Variants in CADM2 observed in about 807,000 individuals in gnomAD.
CADM2 encodes the protein immunoglobulin superfamily member 4D.
CADM2 carries 12 observed loss-of-function variants against 49.8 expected under a neutral mutation model. That is an observed-to-expected ratio of 0.24 (90% CI 0.15 to 0.39). The LOEUF (loss-of-function observed/expected upper bound fraction) is 0.39, where lower values mean the gene tolerates loss of function less well. CADM2 is among the 10% of genes least tolerant of loss of function. CADM2 has a pLI of 1.00. For synonymous variants in CADM2, 214 were observed against 175.4 expected (o/e 1.22, Z -1.74); for missense variants, 378 against 492.3 (o/e 0.77, Z 2.20).
At chr3:85,111,332 C>T (rs2038449131) in intron 1 of CADM2, among the ~76,000 whole-genome samples, 1 of 151,612 alleles carries the variant, frequency 6.6e-6, no homozygotes, top group African/African-American at 2.4e-5. Context: ...AAAATACTGG[C>T]TTTACTTTGT....
At chr3:85,518,282 C>T (rs1024621208) in intron 1 of CADM2, among the ~76,000 whole-genome samples, 14 of 152,210 alleles carry the variant, frequency 9.2e-5, no homozygotes, top group East Asian at 1.9e-4. Context: ...TGGGCCACCA[C>T]GTCTAGCCTC....
chr3:85,107,965 G>C (rs868484733), intron 1 of CADM2, among the ~76,000 whole-genome samples: 1 of 151,992 alleles, frequency 6.6e-6, no homozygotes, highest in African/African-American at 2.4e-5. Flanking sequence ...GCCTCCCAAA[G>C]TTCCTGGATA....
intron 1 of CADM2, among the ~76,000 whole-genome samples, chr3:85,192,421 A>G (rs1559712588): frequency 6.6e-6 from 1 of 152,068 alleles, no homozygotes; most frequent in Non-Finnish European, 1.5e-5. Context: ...AGATGTTCAC[A>G]AGAGCTCATC....
At chr3:85,968,124 G>C (rs902124470) in intron 8 of CADM2, among the ~76,000 whole-genome samples, 3 of 151,612 alleles carry the variant, frequency 2.0e-5, no homozygotes, top group African/African-American at 7.3e-5. Flanking sequence ...ATCTCTGGTT[G>C]AGAGTTTCCA....
intron 1 of CADM2, among the ~76,000 whole-genome samples, chr3:85,355,634 G>A (rs979786895): frequency 4.6e-5 from 7 of 152,082 alleles, no homozygotes; most frequent in African/African-American, 7.2e-5. Context: ...GTAGATAATG[G>A]TGAGTGCAAA....
intron 1 of CADM2, among the ~76,000 whole-genome samples, chr3:85,363,109 T>C (rs1286777652): frequency 6.6e-6 from 1 of 152,212 alleles, no homozygotes; most frequent in African/African-American, 2.4e-5. Context: ...ATCGCCGGGC[T>C]ACACAGCACT....
At chr3:85,578,961 G>A (rs979797204) in intron 1 of CADM2, among the ~76,000 whole-genome samples, 2 of 152,060 alleles carry the variant, frequency 1.3e-5, no homozygotes, top group Admixed American at 6.6e-5. Context: ...TAGCAGCCAC[G>A]GTGTTGCAAG....
intron 1 of CADM2, among the ~76,000 whole-genome samples, chr3:85,257,777 T>A (rs928680838): frequency 1.3e-5 from 2 of 152,118 alleles, no homozygotes; most frequent in Non-Finnish European, 2.9e-5. Flanking sequence ...TGTGCATACT[T>A]CCATAACTCT....
chr3:85,416,911 G>A (rs2035943863), intron 1 of CADM2, among the ~76,000 whole-genome samples: 1 of 152,054 alleles, frequency 6.6e-6, no homozygotes, highest in Non-Finnish European at 1.5e-5. Flanking sequence ...ATCTTAATGA[G>A]AATAGTAAAA....
intron 1 of CADM2, among the ~76,000 whole-genome samples, chr3:85,282,140 A>G (rs2043515202): frequency 6.6e-6 from 1 of 151,890 alleles, no homozygotes; most frequent in African/African-American, 2.4e-5. Context: ...TAAAATTTTT[A>G]CTACAAAATA....
chr3:85,550,265 G>A (rs2061769004), intron 1 of CADM2, among the ~76,000 whole-genome samples: 1 of 152,140 alleles, frequency 6.6e-6, no homozygotes, highest in African/African-American at 2.4e-5. Context: ...TTAAATTCAA[G>A]GACAGTAAGC....
chr3:85,076,482 G>A (rs1026059910), intron 1 of CADM2, among the ~76,000 whole-genome samples: 1 of 151,764 alleles, frequency 6.6e-6, no homozygotes, highest in Non-Finnish European at 1.5e-5. Context: ...TGAGTAGCTG[G>A]GATTACAGGT....
At chr3:85,140,926 G>T (rs895898034) in intron 1 of CADM2, among the ~76,000 whole-genome samples, 4 of 152,150 alleles carry the variant, frequency 2.6e-5, no homozygotes, top group African/African-American at 9.7e-5. Context: ...AGAGACTTGT[G>T]TCTTGAGAGT....
chr3:85,790,151 G>T (rs1481454529), intron 2 of CADM2, among the ~76,000 whole-genome samples: 1 of 152,172 alleles, frequency 6.6e-6, no homozygotes, highest in Non-Finnish European at 1.5e-5. Context: ...TAACTGTGCT[G>T]GGAATATTAA....
intron 8 of CADM2, chr3:86,012,635 C>A (rs1298309985): frequency 1.3e-6 from 2 of 1,556,306 alleles, no homozygotes; most frequent in African/African-American, 1.4e-5. Context: ...CAGGTTCCCG[C>A]GGGACCCGGC....
At chr3:84,976,258 A>C (rs999387265) in intron 1 of CADM2, among the ~76,000 whole-genome samples, 3 of 151,692 alleles carry the variant, frequency 2.0e-5, no homozygotes, top group Non-Finnish European at 4.4e-5. Flanking sequence ...TGTTTGATTC[A>C]CTTTTTGAAA....
intron 6 of CADM2, among the ~76,000 whole-genome samples, chr3:85,924,132 G>T (rs1719512986): frequency 6.6e-6 from 1 of 151,912 alleles, no homozygotes; most frequent in Non-Finnish European, 1.5e-5. Flanking sequence ...TATCATAATT[G>T]CAAGGTAAGC....
chr3:85,798,040 A>G (rs948319596), intron 2 of CADM2, among the ~76,000 whole-genome samples: 2 of 151,774 alleles, frequency 1.3e-5, no homozygotes, highest in African/African-American at 4.8e-5. Flanking sequence ...TCATATGTTT[A>G]TTGGATGCAT....
At position 86,071,274 on chromosome 3, in the gene CADM2, G is replaced by A. The variant is rs947779557; in HGVS notation, c.*4491G>A. On this transcript the variant is annotated 3_prime_UTR_variant, in exon 10 of 10. Coordinates refer to ENST00000383699, the MANE Select transcript of CADM2 (RefSeq NM_001167675.2). ...ACATAGGGTAGTTTTAATAGTTAAA[G>A]TCACTATATCTTAATGGGAATTTTA... 6 of 151,822 alleles carry A rather than the reference G, an allele frequency of 4.0e-5. No homozygotes were observed. The highest frequency in any genetic ancestry group is 6.6e-5 in the Admixed American group (1 of 15,222). 9.4% of individuals were successfully genotyped at this position (151,822 alleles called of 1,614,324 possible).
Sources: allele counts gnomAD v4.1 joint callset (sites outside exome capture counted in the v4.1 genomes callset), GRCh38; gene constraint gnomAD v4.1.1; transcripts MANE v1.5; gene names NCBI Gene and HGNC (gene_info 2026-07-23, HGNC 2026-07-21).